The following ANO1 variants were observed in gnomAD, a reference collection of about 807,000 sequenced individuals.
The protein encoded by ANO1 is anoctamin 1.
Under a neutral mutation model 124.0 loss-of-function variants are expected in ANO1, and 59 were observed. The ratio of observed to expected loss-of-function variants is 0.48; its 90% CI spans 0.39 to 0.59. The LOEUF (loss-of-function observed/expected upper bound fraction) is 0.59. ANO1 is among the 20% of genes least tolerant of loss of function. The pLI, the probability that ANO1 is intolerant of heterozygous loss-of-function variation, is 0.00. For missense variants in ANO1, 1,059 were observed against 1,328.0 expected (o/e 0.80, Z 3.15); for synonymous variants, 529 against 532.0 (o/e 0.99, Z 0.08).
At chr11:70,070,097 T>C (rs1360087372) in intron 1 of ANO1, among the ~76,000 whole-genome samples, 2 of 152,224 alleles carry the variant, frequency 1.3e-5, no homozygotes, top group African/African-American at 4.8e-5. Flanking sequence ...CTCTGTCTCA[T>C]GCTCTCTCTT....
chr11:70,046,739 C>T (rs1265065146), intron 1 of ANO1, among the ~76,000 whole-genome samples: 1 of 151,926 alleles, frequency 6.6e-6, no homozygotes, highest in Non-Finnish European at 1.5e-5. Flanking sequence ...GCAATTTGGG[C>T]ATCAAAAAGA....
chr11:70,160,251 C>T (rs1385234568), intron 16 of ANO1, among the ~76,000 whole-genome samples: 1 of 152,116 alleles, frequency 6.6e-6, no homozygotes, highest in Non-Finnish European at 1.5e-5. Flanking sequence ...GGTGGTTTCA[C>T]GCCTGGGTGA....
chr11:70,182,692 G>C lies in ANO1; in HGVS notation c.2588+6G>C. 6.5e-7 allele frequency: 1 copy of C among 1,545,516 alleles called. No homozygotes were observed. Reference sequence around the variant, plus strand: ...TACGAGGTGCAGATCTGCAGGTACTGCTCTCTGCTCCCCTCTTTGAAAAGC... The same window carrying C: ...TACGAGGTGCAGATCTGCAGGTACTCCTCTCTGCTCCCCTCTTTGAAAAGC... On this transcript the variant is annotated splice_donor_region_variant and intron_variant, in intron 24 of 25. Coordinates refer to ENST00000355303, the MANE Select transcript of ANO1 (RefSeq NM_018043.7).
At position 70,184,593 on chromosome 11, in the gene ANO1, C is replaced by T. The variant is rs74577802; in HGVS notation, c.2589-997C>T. On this transcript the variant is annotated intron_variant, in intron 24 of 25. Coordinates refer to ENST00000355303, the MANE Select transcript of ANO1 (RefSeq NM_018043.7). ...GGAGGAGGAAAAGCAGCCCCAGACC[C>T]GGGTAGGGCAGGGCGGGCCAGGCCG... 8.2e-3 allele frequency among the ~76,000 whole-genome samples: 1,248 copies of T among 152,346 alleles called. 24 individuals carry two copies. Among genetic ancestry groups the T allele is most frequent in the African/African-American group, 0.029 (1,186 of 41,580 alleles).
At chr11:70,182,749 T>C in intron 24 of ANO1, 63 bp downstream of exon 24, 1 of 1,341,620 alleles carries the variant, frequency 7.5e-7, no homozygotes, top group Non-Finnish European at 9.8e-7. Context: ...AGAGCCTGGG[T>C]TTGGACGGGG....
chr11:70,111,721 C>T lies in ANO1; in HGVS notation c.814C>T (p.Leu272=). Residue 272 remains leucine, a synonymous_variant, in exon 7 of 26, where the codon CTG becomes TTG. Transcript: ENST00000355303. ...AKYSMGITSL[L]ANGVYAAAYP... The stretch of plus-strand genomic sequence containing the variant: ...CTGTTTTTAAGGCATCACGAGCCTG[C>T]TGGCCAATGGTGTGTACGCGGCTGC... 6.2e-7 allele frequency: 1 copy of T among 1,614,042 alleles called. No homozygotes were observed. The highest frequency in any genetic ancestry group is 8.5e-7 in the Non-Finnish European group (1 of 1,179,890).
chr11:70,052,531 C>CTATTTTTTTTTTTTTTTTTTTT (rs1857365019), intron 1 of ANO1, among the ~76,000 whole-genome samples: 1 of 65,932 alleles, frequency 1.5e-5, no homozygotes, highest in Non-Finnish European at 3.3e-5. Context: ...TTTTTCTTTT[C>CTATTTTTTTTTTTTTTTTTTTT]TTTTTTTTTT....
At chr11:70,105,091 T>C (rs1441857995) in intron 4 of ANO1, among the ~76,000 whole-genome samples, 1 of 151,926 alleles carries the variant, frequency 6.6e-6, no homozygotes, top group African/African-American at 2.4e-5. Context: ...CCGACCTCCC[T>C]CGTCTCTGCC....
intron 1 of ANO1, among the ~76,000 whole-genome samples, chr11:70,070,497 A>T (rs1555009172): frequency 6.6e-6 from 1 of 152,188 alleles, no homozygotes; most frequent in African/African-American, 2.4e-5. Flanking sequence ...AGCCTGACCA[A>T]CATGGTGAAA....
intron 1 of ANO1, among the ~76,000 whole-genome samples, chr11:70,010,179 G>GTGTGTA: frequency 1.4e-4 from 12 of 83,814 alleles, no homozygotes; most frequent in South Asian, 4.7e-4. Flanking sequence ...GTGTGTGTGT[G>GTGTGTA]TATATATATA....
chr11:70,033,613 C>G (rs1857043628), intron 1 of ANO1, among the ~76,000 whole-genome samples: 1 of 151,988 alleles, frequency 6.6e-6, no homozygotes, highest in East Asian at 2.0e-4. Flanking sequence ...AGGTGGTCGG[C>G]AAAGCTTTGT....
At chr11:70,123,423 G>A (rs2135477731) in intron 8 of ANO1, among the ~76,000 whole-genome samples, 1 of 152,346 alleles carries the variant, frequency 6.6e-6, no homozygotes, top group Admixed American at 6.5e-5. Flanking sequence ...AGGCACGCGA[G>A]GCTATGTCAG....
intron 1 of ANO1, among the ~76,000 whole-genome samples, chr11:70,039,636 C>A (rs374673935): frequency 9.2e-5 from 14 of 151,964 alleles, no homozygotes; most frequent in African/African-American, 3.4e-4. Context: ...AGGTGGTAGT[C>A]CTACCTCCCC....
intron 11 of ANO1, among the ~76,000 whole-genome samples, chr11:70,144,150 A>G (rs1343879143): frequency 6.6e-6 from 1 of 152,186 alleles, no homozygotes; most frequent in African/African-American, 2.4e-5. Context: ...ATATATATTT[A>G]CCATAAATAT....
At chr11:70,080,924 C>T (rs2044181849) in intron 1 of ANO1, among the ~76,000 whole-genome samples, 1 of 152,222 alleles carries the variant, frequency 6.6e-6, no homozygotes, top group South Asian at 2.1e-4. Context: ...ATCCCCGGCA[C>T]CACTCAAGCC....
rs2049207720 is a variant in ANO1, at chr11:70,188,020, TGGGCAGGCCAGC to T, written c.*17_*28del. 1 of 1,548,702 alleles carries T rather than the reference TGGGCAGGCCAGC, an allele frequency of 6.5e-7. No individual in the cohort carries two copies. Among genetic ancestry groups the T allele is most frequent in the Admixed American group, 1.9e-5 (1 of 51,326 alleles). On this transcript the variant is annotated 3_prime_UTR_variant, in exon 26 of 26. Transcript: ENST00000355303. ...CGTCCTGTAGCTATGCCAGCGGGGC[TGGGCAGGCCAGC>T]CGGGCATCCTGACCGATGGGCACCC...
chr11:70,156,812 G>T, intron 15 of ANO1, 135 bp from the exon 16 acceptor site: 1 of 725,710 alleles, frequency 1.4e-6, no homozygotes, highest in South Asian at 1.8e-5. Context: ...GGGCATTTTT[G>T]AGGTTTTTCT....
chr11:69,975,967 C>T, the ANO1 span, among the ~76,000 whole-genome samples: 310 of 152,274 alleles, frequency 2.0e-3, 3 homozygotes, highest in African/African-American at 7.2e-3. Context: ...CCTTGCTGTC[C>T]TCTGCGCCCT....
At chr11:70,064,302 T>A (rs1326398454) in intron 1 of ANO1, 1 of 152,272 alleles carries the variant, frequency 6.6e-6, no homozygotes, top group Non-Finnish European at 1.5e-5. Context: ...ACCCTCCTGG[T>A]GGGGGTTCTC....
Sources: allele counts gnomAD v4.1 joint callset (sites outside exome capture counted in the v4.1 genomes callset), GRCh38; gene constraint gnomAD v4.1.1; transcripts MANE v1.5; gene names NCBI Gene and HGNC (gene_info 2026-07-23, HGNC 2026-07-21).